ERG: variants seen among roughly 807,000 people sequenced by gnomAD.
ERG encodes ETS transcription factor ERG, also known as transcriptional regulator ERG.
Under a neutral mutation model 55.3 loss-of-function variants are expected in ERG, and 9 were observed. The observed-to-expected ratio is 0.16, with a 90% CI of 0.10 to 0.28. The LOEUF is 0.28. Ranked by LOEUF, ERG falls within the 10% of genes least tolerant of loss-of-function variation. The probability of loss-of-function intolerance (pLI) is 1.00; values close to 1 mark genes in which losing one functional copy is unlikely to be tolerated. For synonymous variants in ERG, 223 were observed against 237.3 expected, an observed-to-expected ratio of 0.94 and a Z score of 0.55; for missense variants, 434 against 631.6, an observed-to-expected ratio of 0.69 and a Z score of 3.35.
chr21:38,655,522 G>A (rs538591231), intron 1 of ERG, among the ~76,000 whole-genome samples: 1 of 152,316 alleles, frequency 6.6e-6, no homozygotes, highest in East Asian at 1.9e-4. Context: ...AGATTCACCT[G>A]CTATCCCCTC....
intron 2 of ERG, among the ~76,000 whole-genome samples, chr21:38,424,630 G>A (rs1989734338): frequency 1.3e-5 from 2 of 152,198 alleles, no homozygotes; most frequent in South Asian, 4.2e-4. Context: ...GGCGGCACCA[G>A]GGACACTCGC....
chr21:38,533,151 C>A (rs1315014203), intron 2 of ERG, among the ~76,000 whole-genome samples: 2 of 152,190 alleles, frequency 1.3e-5, no homozygotes, highest in Non-Finnish European at 1.5e-5. Flanking sequence ...AATGAGGTCA[C>A]AGGTAAATGA....
chr21:38,404,371 T>C (rs1352679757), intron 3 of ERG, among the ~76,000 whole-genome samples: 1 of 152,130 alleles, frequency 6.6e-6, no homozygotes, highest in Non-Finnish European at 1.5e-5. Context: ...TGAGTGGTTT[T>C]TGCATTCCAC....
the ERG span, among the ~76,000 whole-genome samples, chr21:38,369,631 CTATT>C: frequency 1.3e-5 from 2 of 152,112 alleles, no homozygotes; most frequent in African/African-American, 4.8e-5. Flanking sequence ...TAATTAGATC[CTATT>C]TGTCAATTTT....
At chr21:38,573,985 T>C (rs1218339800) in intron 2 of ERG, among the ~76,000 whole-genome samples, 4 of 152,234 alleles carry the variant, frequency 2.6e-5, no homozygotes, top group African/African-American at 4.8e-5. Flanking sequence ...TTCAGGTTTG[T>C]ATGGGATTGT....
the ERG span, among the ~76,000 whole-genome samples, chr21:38,368,921 T>A: frequency 6.6e-6 from 1 of 152,186 alleles, no homozygotes; most frequent in Non-Finnish European, 1.5e-5. Context: ...TCCAGCTCCA[T>A]CCATGTCCCT....
intron 1 of ERG, among the ~76,000 whole-genome samples, chr21:38,591,033 G>T (rs1285172462): frequency 6.6e-6 from 1 of 152,170 alleles, no homozygotes; most frequent in Non-Finnish European, 1.5e-5. Context: ...AGGATTGAAG[G>T]CAGTGTCTGA....
intron 1 of ERG, among the ~76,000 whole-genome samples, chr21:38,646,651 T>C (rs2060458540): frequency 6.6e-6 from 1 of 152,188 alleles, no homozygotes; most frequent in African/African-American, 2.4e-5. Context: ...ACACTCACCC[T>C]CCATCTCTGA....
chr21:38,622,958 A>ACCAG (rs1555875453), intron 1 of ERG, among the ~76,000 whole-genome samples: 1 of 143,076 alleles, frequency 7.0e-6, no homozygotes, highest in African/African-American at 2.6e-5. Context: ...CACACACATC[A>ACCAG]GCACACACAC....
intron 1 of ERG, among the ~76,000 whole-genome samples, chr21:38,497,343 C>A (rs2059387942): frequency 1.3e-5 from 2 of 152,212 alleles, no homozygotes; most frequent in African/African-American, 4.8e-5. Context: ...AAAACACCAC[C>A]AAATGCTTCT....
chr21:38,570,668 C>T (rs2059952092), intron 2 of ERG, among the ~76,000 whole-genome samples: 1 of 152,150 alleles, frequency 6.6e-6, no homozygotes, highest in Admixed American at 6.5e-5. Context: ...CACAAAGAAA[C>T]TAAGGAACTT....
At chr21:38,518,258 A>G (rs1205812694) in intron 2 of ERG, among the ~76,000 whole-genome samples, 2 of 151,666 alleles carry the variant, frequency 1.3e-5, no homozygotes, top group African/African-American at 4.8e-5. Flanking sequence ...CTATCTATCT[A>G]TCTATCTATC....
intron 2 of ERG, among the ~76,000 whole-genome samples, chr21:38,566,900 A>G (rs1007625449): frequency 6.6e-6 from 1 of 152,006 alleles, no homozygotes; most frequent in African/African-American, 2.4e-5. Flanking sequence ...ATTTTAACCA[A>G]CTCCTCAGGG....
intron 1 of ERG, among the ~76,000 whole-genome samples, chr21:38,648,152 CAA>C (rs2060468015): frequency 6.6e-6 from 1 of 152,096 alleles, no homozygotes; most frequent in African/African-American, 2.4e-5. Flanking sequence ...TTGCTTGGAG[CAA>C]AGACTGAAAG....
At chr21:38,623,308 C>T (rs960973469) in intron 1 of ERG, among the ~76,000 whole-genome samples, 3 of 137,296 alleles carry the variant, frequency 2.2e-5, no homozygotes, top group Admixed American at 7.6e-5. Flanking sequence ...ACACACCACA[C>T]ACCACATACG....
rs117131937 is a variant in ERG, at chr21:38,602,038, C to T, written c.-149-17093G>A. On this transcript the variant is annotated intron_variant, in intron 1 of 10. Coordinates refer to the ERG transcript ENST00000398910. ...AACACTTCTGAGTCACTTCTGTTGT[C>T]TTCCTGAGTGCTTTTTACCTGCTCT... Among the ~76,000 whole-genome samples the T allele has an allele frequency of 6.8e-4, 103 of 152,336 alleles. 1 individual carries two copies. In the East Asian group the frequency reaches 0.018, roughly 27 times the overall value.
chr21:38,658,434 T>C lies in ERG; in HGVS notation c.-150+3224A>G, dbSNP rs180672414. ...TGTCTTCCCACCACTCCAGATCCTA[T>C]GACCGGGACTGACTTGCTATCGGTT... On this transcript the variant is annotated intron_variant, in intron 1 of 10. Transcript: ENST00000398910. Among the ~76,000 whole-genome samples the C allele has an allele frequency of 6.0e-3, 915 of 152,306 alleles. 6 individuals are homozygous for C. The highest frequency in any genetic ancestry group is 0.02 in the African/African-American group (848 of 41,564).
chr21:38,430,014 G>T (rs147772754), intron 2 of ERG, among the ~76,000 whole-genome samples: 85 of 152,206 alleles, frequency 5.6e-4, no homozygotes, highest in Non-Finnish European at 8.7e-4. Flanking sequence ...CATAGTGGTT[G>T]TACTAGTTTA....
At chr21:38,453,917 T>C (rs940679442) in intron 1 of ERG, among the ~76,000 whole-genome samples, 4 of 150,698 alleles carry the variant, frequency 2.7e-5, no homozygotes, top group African/African-American at 9.7e-5. Flanking sequence ...AGAATCACTT[T>C]TTCTTCCCAG....
Sources: allele counts gnomAD v4.1 joint callset (sites outside exome capture counted in the v4.1 genomes callset), GRCh38; gene constraint gnomAD v4.1.1; transcripts MANE v1.5; gene names NCBI Gene and HGNC (gene_info 2026-07-23, HGNC 2026-07-21).